Variants in ADAM10 observed in about 807,000 individuals in gnomAD.
The protein encoded by ADAM10 is disintegrin and metalloproteinase domain-containing protein 10.
In ADAM10, 17 loss-of-function variants were observed where a neutral mutation model predicts 90.1. The ratio of observed to expected loss-of-function variants is 0.19; its 90% CI spans 0.13 to 0.28. ADAM10 has a LOEUF of 0.28. ADAM10 is among the 10% of genes least tolerant of loss of function. The pLI is 1.00. For synonymous variants in ADAM10, 310 were observed against 298.6 expected (o/e 1.04, Z -0.40); for missense variants, 610 against 914.3 (o/e 0.67, Z 4.29).
intron 4 of ADAM10, among the ~76,000 whole-genome samples, chr15:58,668,733 T>G (rs548494804): frequency 1.3e-5 from 2 of 152,264 alleles, no homozygotes; most frequent in East Asian, 3.9e-4. Context: ...CCTGAAGGTT[T>G]TTAATCTTCA....
At chr15:58,672,112 A>G (rs1234871929) in intron 4 of ADAM10, among the ~76,000 whole-genome samples, 2 of 152,228 alleles carry the variant, frequency 1.3e-5, no homozygotes, top group Non-Finnish European at 2.9e-5. Flanking sequence ...TTTCAAATAT[A>G]ATTTTACTTG....
At chr15:58,745,098 G>A (rs1159473680) in intron 1 of ADAM10, among the ~76,000 whole-genome samples, 4 of 152,144 alleles carry the variant, frequency 2.6e-5, no homozygotes, top group African/African-American at 4.8e-5. Context: ...CAGAAGAATC[G>A]CTTGAACCTG....
At chr15:58,615,367 A>G (rs1306297770) in intron 11 of ADAM10, among the ~76,000 whole-genome samples, 2 of 152,028 alleles carry the variant, frequency 1.3e-5, no homozygotes, top group Non-Finnish European at 2.9e-5. Flanking sequence ...ATATACACCA[A>G]TGAAATCCCC....
chr15:58,722,127 G>A (rs1301258651), intron 1 of ADAM10, among the ~76,000 whole-genome samples: 1 of 151,934 alleles, frequency 6.6e-6, no homozygotes, highest in African/African-American at 2.4e-5. Context: ...ATCACCTGAG[G>A]TCAAGAGTTC....
Position 58,620,660 on chromosome 15 carries a change from A to ATTTTTTTTTTTTTTTTTTTT in ADAM10, c.1511+810_1511+811insAAAAAAAAAAAAAAAAAAAA. On this transcript the variant is annotated intron_variant, in intron 11 of 15. Transcript: ENST00000260408. ...CACAATAAGTAACTAAAGAATATGT[A>ATTTTTTTTTTTTTTTTTTTT]TTTTTTTTTTTTTTTTTTTGAGACG... 3.4e-4 allele frequency among the ~76,000 whole-genome samples: 20 copies of ATTTTTTTTTTTTTTTTTTTT among 59,416 alleles called. 2 individuals carry two copies. Among genetic ancestry groups the ATTTTTTTTTTTTTTTTTTTT allele is most frequent in the African/African-American group, 2.9e-3 (16 of 5,596 alleles). The allele number at this position is 59,416 out of a possible 152,430, so 39.0% of individuals were successfully genotyped here.
At chr15:58,603,722 GA>G (rs1222475305) in intron 14 of ADAM10, among the ~76,000 whole-genome samples, 2 of 151,366 alleles carry the variant, frequency 1.3e-5, no homozygotes, top group Non-Finnish European at 2.9e-5. Context: ...TAGGAGAGAG[GA>G]AAAAAAGCAA....
chr15:58,740,440 T>C (rs1175839504), intron 1 of ADAM10, among the ~76,000 whole-genome samples: 1 of 151,908 alleles, frequency 6.6e-6, no homozygotes, highest in Non-Finnish European at 1.5e-5. Context: ...AACAGCAATA[T>C]CTATAAAATA....
chr15:58,721,093 C>G (rs1382254458), intron 1 of ADAM10, among the ~76,000 whole-genome samples: 1 of 152,212 alleles, frequency 6.6e-6, no homozygotes, highest in Non-Finnish European at 1.5e-5. Context: ...ATAACTATTG[C>G]TGTTCTGAAG....
chr15:58,659,905 T>C (rs2140721113), intron 5 of ADAM10, among the ~76,000 whole-genome samples: 1 of 152,282 alleles, frequency 6.6e-6, no homozygotes, highest in Non-Finnish European at 1.5e-5. Context: ...ACTTTGGTTG[T>C]GGATTTTTAG....
chr15:58,741,364 C>G (rs1899608298), intron 1 of ADAM10, among the ~76,000 whole-genome samples: 1 of 152,188 alleles, frequency 6.6e-6, no homozygotes. Context: ...AAACTAATCT[C>G]TATCTCCACT....
In ADAM10 at chr15:58,644,586, C is replaced by A. The variant is rs540645339; in HGVS notation, c.736-608G>T. 2.6e-5 allele frequency among the ~76,000 whole-genome samples: 4 copies of A among 152,274 alleles called. No homozygotes were observed. The South Asian group carries it at 6.2e-4, about 24-fold the overall frequency. ...ATTTTGTTTCCTCAATCCAATCCTA[C>A]AACGTCACACGTCCATTCCTTTTCA... is the stretch of plus-strand genomic sequence containing the variant. On this transcript the variant is annotated intron_variant, in intron 6 of 15. Coordinates refer to ENST00000260408, the MANE Select transcript of ADAM10 (RefSeq NM_001110.4).
At chr15:58,628,325 A>T (rs1296359665) in intron 9 of ADAM10, among the ~76,000 whole-genome samples, 1 of 152,148 alleles carries the variant, frequency 6.6e-6, no homozygotes, top group Non-Finnish European at 1.5e-5. Flanking sequence ...ACATGGGGCT[A>T]AATACACACA....
chr15:58,680,165 C>A (rs890362215), intron 3 of ADAM10, among the ~76,000 whole-genome samples: 1 of 152,072 alleles, frequency 6.6e-6, no homozygotes, highest in African/African-American at 2.4e-5. Flanking sequence ...CTCTGTCACC[C>A]GGGCTGGAGT....
intron 14 of ADAM10, among the ~76,000 whole-genome samples, chr15:58,608,101 T>C (rs914121081): frequency 6.6e-6 from 1 of 152,158 alleles, no homozygotes; most frequent in Non-Finnish European, 1.5e-5. Flanking sequence ...CAAAACATAG[T>C]TGTCAACACA....
chr15:58,726,693 T>C (rs1443838053), intron 1 of ADAM10, among the ~76,000 whole-genome samples: 1 of 147,130 alleles, frequency 6.8e-6, no homozygotes, highest in African/African-American at 2.5e-5. Flanking sequence ...GCCATATGAA[T>C]AATTACATTA....
intron 2 of ADAM10, among the ~76,000 whole-genome samples, chr15:58,702,877 C>A (rs1375186970): frequency 6.6e-6 from 1 of 152,010 alleles, no homozygotes; most frequent in Non-Finnish European, 1.5e-5. Context: ...GAAGCCAGAA[C>A]AAATTAAAGA....
chr15:58,610,040 C>G, intron 14 of ADAM10: 1 of 472,968 alleles, frequency 2.1e-6, no homozygotes, highest in Non-Finnish European at 3.8e-6. Context: ...AGTAACCCAT[C>G]CAGGAGATGA....
intron 7 of ADAM10, among the ~76,000 whole-genome samples, chr15:58,642,489 A>C (rs1190999958): frequency 6.6e-6 from 1 of 152,116 alleles, no homozygotes. Context: ...AATTGCATTT[A>C]AATTTTAATT....
At chr15:58,679,586 AGCATGTATGCAGTAGTC>A in intron 3 of ADAM10, among the ~76,000 whole-genome samples, 1 of 152,196 alleles carries the variant, frequency 6.6e-6, no homozygotes, top group African/African-American at 2.4e-5. Flanking sequence ...CTGAGTGCCT[AGCATGTATGCAGTAGTC>A]ATCAATAATT....
Sources: gnomAD v4.1 joint callset for allele counts (sites outside exome capture counted in the v4.1 genomes callset) on GRCh38, gnomAD v4.1.1 for gene constraint, MANE v1.5 for transcripts, NCBI Gene and HGNC (gene_info 2026-07-23, HGNC 2026-07-21) for gene names.